The following MED7 variants were observed in gnomAD, a reference collection of about 807,000 sequenced individuals.
The protein encoded by MED7 is mediator of RNA polymerase II transcription subunit 7.
In MED7, 7 loss-of-function variants were observed where a neutral mutation model predicts 16.6. The observed-to-expected ratio is 0.42, with a 90% CI of 0.24 to 0.79. The LOEUF (loss-of-function observed/expected upper bound fraction) is 0.79, where lower values mean the gene tolerates loss of function less well. Ranked by LOEUF, MED7 falls within the 30% of genes least tolerant of loss-of-function variation. The pLI is 0.27. For synonymous variants in MED7, 88 were observed against 90.5 expected (o/e 0.97, Z 0.16); for missense variants, 240 against 286.3 (o/e 0.84, Z 1.17).
At chr5:157,141,980 T>A (rs1348845268) in intron 1 of MED7, among the ~76,000 whole-genome samples, 1 of 152,212 alleles carries the variant, frequency 6.6e-6, no homozygotes, top group East Asian at 1.9e-4. Context: ...AAAAGGTTAA[T>A]AAATGGCACA....
rs781670021 is a variant in MED7 at position 157,139,053 on chromosome 5, G to T, written c.379C>A (p.Arg127=). The T allele has an allele frequency of 6.2e-7, 1 of 1,613,794 alleles. No homozygotes were observed. Among genetic ancestry groups the T allele is most frequent in the East Asian group, 2.2e-5 (1 of 44,878 alleles). Reference sequence around the variant, plus strand: ...AAGGTCTCTCTTGCTTGGTGGGGTCGGTATTCATTTATAAGATGATGCACG... The same window carrying T: ...AAGGTCTCTCTTGCTTGGTGGGGTCTGTATTCATTTATAAGATGATGCACG... The part of the protein sequence containing the change: ...VHVHHLINEY[R]PHQARETLRV... The change falls in exon 2 of 2, where the codon CGA becomes AGA. Residue 127 remains arginine (R), a synonymous_variant. Coordinates refer to ENST00000286317, the MANE Select transcript of MED7 (RefSeq NM_004270.5).
intron 1 of MED7, among the ~76,000 whole-genome samples, chr5:157,140,528 G>A (rs1434413076): frequency 1.3e-5 from 2 of 152,152 alleles, no homozygotes; most frequent in African/African-American, 4.8e-5. Flanking sequence ...TATCCTACTA[G>A]AAGCAATATT....
chr5:157,139,121 T>C lies in MED7; in HGVS notation c.311A>G (p.Lys104Arg), dbSNP rs762917392. 8 of 1,614,040 alleles carry C rather than the reference T, an allele frequency of 5.0e-6. No homozygotes were observed. The highest frequency in any genetic ancestry group is 6.8e-6 in the Non-Finnish European group (8 of 1,179,938). The change falls in exon 2 of 2, where the codon AAA becomes AGA. Residue 104 changes from lysine (K) to arginine (R), a missense_variant. By Grantham distance (26) the Lys-to-Arg change is conservative (BLOSUM62 2). Coordinates refer to ENST00000286317, the MANE Select transcript of MED7 (RefSeq NM_004270.5). The part of the protein sequence containing the change: ...DILIRSPGSI[K>R]REEKLEDLKL... ...AAGATCTTCTAGTTTCTCTTCTCGT[T>C]TTATACTCCCAGGGCTCCTTATTAA...
intron 1 of MED7, among the ~76,000 whole-genome samples, chr5:157,141,370 G>A (rs1200321323): frequency 6.6e-6 from 1 of 151,048 alleles, no homozygotes; most frequent in African/African-American, 2.4e-5. Flanking sequence ...GTGAGCCACC[G>A]TGCCCGGCAG....
rs1208503090 is a variant in MED7 at position 157,138,804 on chromosome 5, G to A, written c.628C>T (p.His210Tyr). ...QNEHQRENSG[H>Y]RRDQIIEKDA... is the part of the protein sequence containing the mutation. ...TTCTCTATAATCTGATCTCTCCTAT[G>A]ACCTGAATTTTCTCTTTGATGTTCA... The change falls in exon 2 of 2, where the codon CAT (histidine) becomes TAT (tyrosine). Residue 210 changes from histidine (H) to tyrosine (Y), a missense_variant. Coordinates refer to ENST00000286317, the MANE Select transcript of MED7 (RefSeq NM_004270.5). The A allele has an allele frequency of 1.6e-5, 26 of 1,613,912 alleles. No homozygotes were observed. The highest frequency in any genetic ancestry group is 1.6e-4 in the Middle Eastern group (1 of 6,084).
intron 1 of MED7, among the ~76,000 whole-genome samples, chr5:157,141,244 CTAA>C (rs1757719391): frequency 6.6e-6 from 1 of 152,162 alleles, no homozygotes; most frequent in Non-Finnish European, 1.5e-5. Context: ...CGACGCCCGG[CTAA>C]TGTTTTCTAT....
In MED7 at chr5:157,139,376, T is replaced by C; in HGVS notation, c.56A>G (p.Lys19Arg). 1.2e-6 allele frequency: 2 copies of C among 1,608,146 alleles called. No homozygotes were observed. The highest frequency in any genetic ancestry group is 2.2e-5 in the East Asian group (1 of 44,854). The change falls in exon 2 of 2, where the codon AAG becomes AGG. Residue 19 changes from lysine (K) to arginine (R), a missense_variant. Coordinates refer to ENST00000286317, the MANE Select transcript of MED7 (RefSeq NM_004270.5). ...ALPPPPMQYI[K>R]EYTDENIQEG... ...TTGAATATTTTCATCCGTATATTCC[T>C]TGATATATTGCATTGGAGGTGGTGG...
chr5:157,139,077 C>A lies in MED7; in HGVS notation c.355G>T (p.Val119Leu). ...LEDLKLLFVH[V>L]HHLINEYRPH... ...CGGTATTCATTTATAAGATGATGCACGTGTACAAAAAGCAGCTTAAGATCT... is the reference window on the plus strand; with the variant it reads ...CGGTATTCATTTATAAGATGATGCAAGTGTACAAAAAGCAGCTTAAGATCT... Residue 119 changes from valine to leucine, a missense_variant, in exon 2 of 2, where the codon GTG becomes TTG. Val to Leu is a conservative substitution (Grantham distance 32). Coordinates refer to ENST00000286317, the MANE Select transcript of MED7 (RefSeq NM_004270.5). The A allele has an allele frequency of 2.5e-6, 4 of 1,613,934 alleles. No homozygotes were observed. Among genetic ancestry groups the A allele is most frequent in the Non-Finnish European group, 8.5e-7 (1 of 1,179,944 alleles).
chr5:157,142,456 A>C (rs113135153), intron 1 of MED7: 6 of 152,334 alleles, frequency 3.9e-5, no homozygotes, highest in African/African-American at 1.2e-4. Context: ...GGCTACTCTC[A>C]TGTTACAAAG....
chr5:157,139,391 G>A lies in MED7; in HGVS notation c.41C>T (p.Pro14Leu). ...CGTATATTCCTTGATATATTGCATT[G>A]GAGGTGGTGGAAGTGCACTCACTTG... ...PQQVSALPPPPMQYIKEYTDE... is the reference protein window; with the variant it reads ...PQQVSALPPPLMQYIKEYTDE... The change falls in exon 2 of 2, where the codon CCA (proline) becomes CTA (leucine). Residue 14 changes from proline (P) to leucine (L), a missense_variant. Transcript: ENST00000286317. 1 of 1,599,174 alleles carries A rather than the reference G, an allele frequency of 6.3e-7. No individual in the cohort carries two copies. Among genetic ancestry groups the A allele is most frequent in the Non-Finnish European group, 8.5e-7 (1 of 1,173,220 alleles).
At position 157,139,104 on chromosome 5, in the gene MED7, C is replaced by T. The variant is rs1331514253; in HGVS notation, c.328G>A (p.Glu110Lys). The T allele has an allele frequency of 3.1e-6, 5 of 1,613,784 alleles. No homozygotes were observed. Among genetic ancestry groups the T allele is most frequent in the Non-Finnish European group, 4.2e-6 (5 of 1,179,938 alleles). Residue 110 changes from glutamate (E) to lysine (K), a missense_variant, in exon 2 of 2, where the codon GAA becomes AAA. Transcript: ENST00000286317. ...PGSIKREEKL[E>K]DLKLLFVHVH... ...TGTACAAAAAGCAGCTTAAGATCTT[C>T]TAGTTTCTCTTCTCGTTTTATACTC...
At chr5:157,141,462 G>T (rs975890685) in intron 1 of MED7, among the ~76,000 whole-genome samples, 1 of 152,186 alleles carries the variant, frequency 6.6e-6, no homozygotes, top group African/African-American at 2.4e-5. Flanking sequence ...TTTCCTACAC[G>T]ATGTGCATTC....
At position 157,139,125 on chromosome 5, in the gene MED7, T is replaced by A; in HGVS notation, c.307A>T (p.Ile103Leu). Residue 103 changes from isoleucine to leucine, a missense_variant, in exon 2 of 2, where the codon ATA becomes TTA. By Grantham distance (5) the Ile-to-Leu change is conservative. Transcript: ENST00000286317. The stretch of plus-strand genomic sequence containing the variant: ...TCTTCTAGTTTCTCTTCTCGTTTTA[T>A]ACTCCCAGGGCTCCTTATTAAAATA... Reference protein sequence around the residue: ...LDILIRSPGSIKREEKLEDLK... With the variant: ...LDILIRSPGSLKREEKLEDLK... The A allele has an allele frequency of 1.9e-6, 3 of 1,614,072 alleles. No homozygotes were observed. Among genetic ancestry groups the A allele is most frequent in the Non-Finnish European group, 2.5e-6 (3 of 1,179,942 alleles).
At chr5:157,141,125 G>A (rs560105537) in intron 1 of MED7, among the ~76,000 whole-genome samples, 1 of 152,274 alleles carries the variant, frequency 6.6e-6, no homozygotes, top group Middle Eastern at 3.4e-3. Flanking sequence ...CTGTCACCCA[G>A]GTTGGAGTGC....
In MED7 at chr5:157,138,601, T is replaced by C. The variant is rs9007; in HGVS notation, c.*129A>G. On this transcript the variant is annotated 3_prime_UTR_variant, in exon 2 of 2. Coordinates refer to ENST00000286317, the MANE Select transcript of MED7 (RefSeq NM_004270.5). ...AATTACTGCCTATGACATCTCATAA[T>C]TGAAAAATTTGGAGTCAAGATTAAA... The C allele has an allele frequency of 0.14, 102,832 of 757,466 alleles. 7,511 individuals carry two copies. The highest frequency in any genetic ancestry group is 0.2 in the East Asian group (7,513 of 38,190). The allele number at this position is 757,466 out of a possible 1,614,324, so 46.9% of individuals were successfully genotyped here.
intron 1 of MED7, among the ~76,000 whole-genome samples, chr5:157,140,324 C>T (rs1295612610): frequency 6.6e-6 from 1 of 150,880 alleles, no homozygotes; most frequent in African/African-American, 2.4e-5. Flanking sequence ...TGTATGGACA[C>T]ATTAACTTCT....
chr5:157,141,736 C>T (rs112396064), intron 1 of MED7, among the ~76,000 whole-genome samples: 4,957 of 151,842 alleles, frequency 0.033, 194 homozygotes, highest in African/African-American at 0.097. Flanking sequence ...ACTACAGGTG[C>T]GCACCACCAC....
At position 157,138,512 on chromosome 5, in the gene MED7, T is replaced by C. The variant is rs1757670924; in HGVS notation, c.*218A>G. The C allele has an allele frequency of 2.2e-6, 1 of 463,232 alleles. No individual in the cohort carries two copies. Among genetic ancestry groups the C allele is most frequent in the Non-Finnish European group, 3.8e-6 (1 of 264,832 alleles). 28.7% of individuals were successfully genotyped at this position (463,232 alleles called of 1,614,324 possible). On this transcript the variant is annotated 3_prime_UTR_variant, in exon 2 of 2. Transcript: ENST00000286317. ...TCCCATACAACAGCAGCTAACACTTTGCTTTTTAAAGTGATTCTTCTTAGT... is the reference window on the plus strand; with the variant it reads ...TCCCATACAACAGCAGCTAACACTTCGCTTTTTAAAGTGATTCTTCTTAGT...
chr5:157,138,863 T>C lies in MED7; in HGVS notation c.569A>G (p.Asp190Gly). 6.2e-7 allele frequency: 1 copy of C among 1,614,180 alleles called. No individual in the cohort carries two copies. Among genetic ancestry groups the C allele is most frequent in the African/African-American group, 1.3e-5 (1 of 75,054 alleles). Residue 190 changes from aspartate to glycine, a missense_variant, in exon 2 of 2, where the codon GAT (aspartate) becomes GGT (glycine). Coordinates refer to ENST00000286317, the MANE Select transcript of MED7 (RefSeq NM_004270.5). ...AGTACAATTGTTGCTATCATCAGCA[T>C]CCATTGGTTCAGTTTTTACTCTCAT... ...AGMRVKTEPM[D>G]ADDSNNCTGQ...
Sources: allele counts gnomAD v4.1 joint callset (sites outside exome capture counted in the v4.1 genomes callset), GRCh38; gene constraint gnomAD v4.1.1; transcripts MANE v1.5; gene names NCBI Gene and HGNC (gene_info 2026-07-23, HGNC 2026-07-21).